The following DTX2 variants were observed in gnomAD, a reference collection of about 807,000 sequenced individuals.
DTX2 encodes the protein deltex E3 ubiquitin ligase 2, also known as probable E3 ubiquitin-protein ligase DTX2.
Under a neutral mutation model 55.3 loss-of-function variants are expected in DTX2, and 29 were observed. That is an observed-to-expected ratio of 0.52 (90% CI 0.39 to 0.71). The LOEUF is 0.71. Among genes scored for constraint, DTX2 ranks in the 30% least tolerant of loss-of-function variants. DTX2 has a pLI of 0.00. For missense variants in DTX2, 537 were observed against 822.5 expected (o/e 0.65, Z 4.25); for synonymous variants, 276 against 340.4 (o/e 0.81, Z 2.08).
In DTX2 at chr7:76,489,906, A is replaced by C. The variant is rs569118562; in HGVS notation, c.909-2247A>C. ...TCATATTAAAAAAAAAAAAAACAAC[A>C]ACCTTTATTTTATGGTAATTAAGTT... On this transcript the variant is annotated intron_variant, in intron 4 of 10. Transcript: ENST00000430490. 1.5e-5 allele frequency among the ~76,000 whole-genome samples: 2 copies of C among 136,548 alleles called. 1 individual carries two copies. Among genetic ancestry groups the C allele is most frequent in the East Asian group, 4.5e-4 (2 of 4,488 alleles). 89.6% of individuals were successfully genotyped at this position (136,548 alleles called of 152,430 possible).
In DTX2 at chr7:76,503,585, C is replaced by T; in HGVS notation, c.1549C>T (p.Gln517Ter). 1 of 1,609,608 alleles carries T rather than the reference C, an allele frequency of 6.2e-7. No homozygotes were observed. The highest frequency in any genetic ancestry group is 8.5e-7 in the Non-Finnish European group (1 of 1,177,760). ...LIVYSIPHGI[Q>*]GPEHPNPGKP... ...AGTTTACAGCATTCCCCATGGTATC[C>T]AGGTGAGGGGCCTTCTTGAGTCCCC... The change falls in exon 9 of 11, where the codon CAG becomes TAG. Residue 517 changes from glutamine (Q) to a stop codon, truncating the protein, a stop_gained and splice_region_variant. Transcript: ENST00000430490. LOFTEE classifies it high-confidence loss of function.
At chr7:76,474,512 GCA>G (rs1463107415) in intron 2 of DTX2, 2 of 152,174 alleles carry the variant, frequency 1.3e-5, no homozygotes, top group Non-Finnish European at 2.9e-5. Flanking sequence ...TCTCGGGACG[GCA>G]GAGGCAGGAC....
Position 76,499,819 on chromosome 7 carries a change from G to T in DTX2, c.1151-622G>T, listed in dbSNP as rs1436724282. 3 of 260,024 alleles carry T rather than the reference G, an allele frequency of 1.2e-5. No homozygotes were observed. The East Asian group carries it at 2.8e-4, about 25-fold the overall frequency. 16.1% of individuals were successfully genotyped at this position (260,024 alleles called of 1,614,324 possible). On this transcript the variant is annotated intron_variant, in intron 6 of 10. Transcript: ENST00000430490. ...TCGTGCACGTGTGCACAGACAGCGA[G>T]TGAGGCCGTCAGGGTGGGCTCCTGC...
chr7:76,495,441 G>A (rs1328717074), intron 5 of DTX2, among the ~76,000 whole-genome samples: 1 of 152,156 alleles, frequency 6.6e-6, no homozygotes, highest in Non-Finnish European at 1.5e-5. Context: ...AGTTATTCAG[G>A]TGTTTTGGGG....
At position 76,480,580 on chromosome 7, in the gene DTX2, G is replaced by A. The variant is rs1368136477; in HGVS notation, c.71G>A (p.Trp24Ter). 2 of 1,612,792 alleles carry A rather than the reference G, an allele frequency of 1.2e-6. No individual in the cohort carries two copies. Among genetic ancestry groups the A allele is most frequent in the African/African-American group, 1.3e-5 (1 of 74,904 alleles). ...TSPAAVAVWE[W>*]QDGLGTWHPY... ...CCCGCGGCTGTGGCCGTGTGGGAAT[G>A]GCAGGACGGGCTGGGCACCTGGCAC... Residue 24 changes from tryptophan (W) to a stop codon, truncating the protein, a stop_gained, in exon 3 of 11, where the codon TGG becomes TAG. Transcript: ENST00000430490. LOFTEE classifies it high-confidence loss of function.
chr7:76,469,205 C>T (rs1212917660), intron 2 of DTX2, among the ~76,000 whole-genome samples: 1 of 150,862 alleles, frequency 6.6e-6, no homozygotes, highest in Non-Finnish European at 1.5e-5. Context: ...CATGCTGGCC[C>T]TAGCCATAGG....
In DTX2 at chr7:76,465,607, G is replaced by A. The variant is rs1313031837; in HGVS notation, c.-90+1898G>A. Among the ~76,000 whole-genome samples the A allele has an allele frequency of 4.8e-5, 7 of 146,056 alleles. No individual in the cohort carries two copies. In the East Asian group the frequency reaches 1.5e-3, roughly 32 times the overall value. On this transcript the variant is annotated intron_variant, in intron 2 of 10. Coordinates refer to ENST00000430490, the MANE Select transcript of DTX2 (RefSeq NM_001102594.3). ...TTTTGTTTTGTTTTTTTGAGATGGA[G>A]TCTCGCTCTGTTACCCAGGCTGGAG...
chr7:76,469,049 G>A (rs1807542936), intron 2 of DTX2, among the ~76,000 whole-genome samples: 2 of 124,136 alleles, frequency 1.6e-5, no homozygotes, highest in African/African-American at 6.2e-5. Flanking sequence ...ACAGGCGTGA[G>A]CTACCGCATT....
intron 2 of DTX2, among the ~76,000 whole-genome samples, chr7:76,469,042 G>A (rs1350172663): frequency 1.6e-5 from 2 of 123,686 alleles, no homozygotes; most frequent in Non-Finnish European, 3.5e-5. Flanking sequence ...TGGGATTACA[G>A]GCGTGAGCTA....
Position 76,505,402 on chromosome 7 carries a change from A to G in DTX2, c.1670A>G (p.Lys557Arg). 2 of 1,589,050 alleles carry G rather than the reference A, an allele frequency of 1.3e-6. No individual in the cohort carries two copies. The highest frequency in any genetic ancestry group is 1.7e-6 in the Non-Finnish European group (2 of 1,168,122). ...CTAGAGCTCCTGAAGGTGGCCTGGA[A>G]GAGGCGGCTCATCTTCACAGTGGGC... ...KVLELLKVAW[K>R]RRLIFTVGTS... Residue 557 changes from lysine (K) to arginine (R), a missense_variant, in exon 11 of 11, where the codon AAG becomes AGG. Around this residue, in one of 7 missense-constraint regions of DTX2, gnomAD observed 33 missense variants for 48.4 expected, o/e 0.68. Transcript: ENST00000430490. The surrounding 1 kb of genome is among the most constrained non-coding windows in gnomAD (Gnocchi z 4.4).
At chr7:76,481,516 G>A (rs1309486944) in intron 3 of DTX2, among the ~76,000 whole-genome samples, 3 of 152,170 alleles carry the variant, frequency 2.0e-5, no homozygotes, top group African/African-American at 7.2e-5. Context: ...GTATTATTGA[G>A]AATGAGGCAC....
chr7:76,489,830 C>A, intron 4 of DTX2, among the ~76,000 whole-genome samples: 1 of 135,682 alleles, frequency 7.4e-6, no homozygotes, highest in Non-Finnish European at 1.6e-5. Context: ...CTCAAAAAAT[C>A]CAAAGACCAA....
At chr7:76,478,177 T>C (rs1040574225) in intron 2 of DTX2, 1 of 145,534 alleles carries the variant, frequency 6.9e-6, no homozygotes, top group Non-Finnish European at 1.5e-5. Flanking sequence ...TATCCCCATT[T>C]TGCCAATGAG....
intron 2 of DTX2, among the ~76,000 whole-genome samples, chr7:76,471,220 G>T (rs1807856094): frequency 7.4e-6 from 1 of 135,230 alleles, no homozygotes; most frequent in Admixed American, 8.2e-5. Flanking sequence ...GGAGTGCAGT[G>T]GCGCGATCTT....
At position 76,481,705 on chromosome 7, in the gene DTX2, C is replaced by T. The variant is rs572238814; in HGVS notation, c.269-803C>T. 8.0e-4 allele frequency among the ~76,000 whole-genome samples: 121 copies of T among 151,924 alleles called. 1 individual carries two copies. The highest frequency in any genetic ancestry group is 2.7e-3 in the African/African-American group (110 of 41,454). On this transcript the variant is annotated intron_variant, in intron 3 of 10. Coordinates refer to ENST00000430490, the MANE Select transcript of DTX2 (RefSeq NM_001102594.3). Reference sequence around the variant, plus strand: ...GAGGCCAGGGATGCTGCTCGCCATCCGGCAGTGCACTGGGCTGGCCCTGCA... The same window carrying T: ...GAGGCCAGGGATGCTGCTCGCCATCTGGCAGTGCACTGGGCTGGCCCTGCA...
chr7:76,505,741 T>TC lies in DTX2; in HGVS notation c.*145dup. On this transcript the variant is annotated 3_prime_UTR_variant, in exon 11 of 11. Transcript: ENST00000430490. The surrounding 1 kb of genome is among the most constrained non-coding windows in gnomAD (Gnocchi z 4.4). ...GGTGTGCCCCACCTGAAGCCGGGGC[T>TC]CCCCCTGCCTGCCTCTCTCTCCTCC... The TC allele has an allele frequency of 1.2e-6, 1 of 858,590 alleles. No homozygotes were observed. Among genetic ancestry groups the TC allele is most frequent in the Non-Finnish European group, 1.8e-6 (1 of 559,734 alleles). The allele number at this position is 858,590 out of a possible 1,614,324, so 53.2% of individuals were successfully genotyped here. A position where few individuals can be genotyped will look rare whatever the true frequency, so the allele number is the denominator to read the frequency against.
intron 7 of DTX2, 166 bp from the exon 8 acceptor site, chr7:76,502,132 C>A: frequency 1.6e-6 from 1 of 616,218 alleles, no homozygotes; most frequent in Non-Finnish European, 2.8e-6. Context: ...AGTGATCGGC[C>A]TCCTAGAGTG....
intron 8 of DTX2, among the ~76,000 whole-genome samples, 156 bp downstream of exon 8, chr7:76,502,612 G>T (rs1304607787): frequency 6.6e-6 from 1 of 152,180 alleles, no homozygotes; most frequent in Non-Finnish European, 1.5e-5. Flanking sequence ...CTTTCTAAAG[G>T]CCTGGCCGGC....
Position 76,505,378 on chromosome 7 carries a change from T to C in DTX2, c.1646T>C (p.Leu549Pro), listed in dbSNP as rs1812229388. The part of the protein sequence containing the change: ...LPDNAQGRKV[L>P]ELLKVAWKRR... ...CCCCTCCTCCTCCCCGGGCAGGTCCTAGAGCTCCTGAAGGTGGCCTGGAAG... is the reference window on the plus strand; with the variant it reads ...CCCCTCCTCCTCCCCGGGCAGGTCCCAGAGCTCCTGAAGGTGGCCTGGAAG... The change falls in exon 11 of 11, where the codon CTA (leucine) becomes CCA (proline). Residue 549 changes from leucine to proline, a missense_variant. This residue lies in a region of DTX2 where 33 missense variants were observed against 48.4 expected (regional missense o/e 0.68). Coordinates refer to ENST00000430490, the MANE Select transcript of DTX2 (RefSeq NM_001102594.3). The surrounding 1 kb of genome is among the most constrained non-coding windows in gnomAD (Gnocchi z 4.4). 1.9e-6 allele frequency: 3 copies of C among 1,575,306 alleles called. No individual in the cohort carries two copies. The highest frequency in any genetic ancestry group is 2.6e-6 in the Non-Finnish European group (3 of 1,160,998).
Sources: allele counts gnomAD v4.1 joint callset (sites outside exome capture counted in the v4.1 genomes callset), GRCh38; gene constraint gnomAD v4.1.1; regional missense constraint gnomAD v4.1.1; non-coding constraint Gnocchi (gnomAD v3.1); transcripts MANE v1.5; gene names NCBI Gene and HGNC (gene_info 2026-07-23, HGNC 2026-07-21).